LUZP2: variants seen among roughly 807,000 people sequenced by gnomAD.
The protein encoded by LUZP2 is leucine zipper protein 2.
A neutral mutation model predicts 51.6 loss-of-function variants in LUZP2; 52 were observed. That is an observed-to-expected ratio of 1.01 (90% CI 0.81 to 1.27). LUZP2 has a LOEUF of 1.27. Ranked by LOEUF, LUZP2 falls within the 50% of genes most tolerant of loss-of-function variation. The pLI is 0.00. For missense variants in LUZP2, 436 were observed against 395.4 expected (o/e 1.10, Z -0.87); for synonymous variants, 154 against 137.3 (o/e 1.12, Z -0.85).
At chr11:25,016,649 C>T (rs1266854659) in intron 9 of LUZP2, among the ~76,000 whole-genome samples, 1 of 150,716 alleles carries the variant, frequency 6.6e-6, no homozygotes, top group Non-Finnish European at 1.5e-5. Flanking sequence ...CTGTGTGTAC[C>T]ACATTTTCTT....
intron 1 of LUZP2, among the ~76,000 whole-genome samples, chr11:24,608,701 G>A (rs971641437): frequency 6.6e-6 from 1 of 152,018 alleles, no homozygotes; most frequent in African/African-American, 2.4e-5. Context: ...TTGATTTTTT[G>A]TATACTTTTG....
At chr11:24,928,850 CT>C (rs1393016044) in intron 7 of LUZP2, among the ~76,000 whole-genome samples, 1 of 152,024 alleles carries the variant, frequency 6.6e-6, no homozygotes, top group African/African-American at 2.4e-5. Context: ...GTGAATCTGT[CT>C]GATCCTGGAT....
chr11:25,062,739 G>T, intron 10 of LUZP2, among the ~76,000 whole-genome samples: 1 of 150,712 alleles, frequency 6.6e-6, no homozygotes, highest in East Asian at 1.9e-4. Context: ...ATTTTTGTCA[G>T]TTTTATATAC....
intron 1 of LUZP2, among the ~76,000 whole-genome samples, chr11:24,595,014 C>A (rs1025429478): frequency 3.3e-5 from 5 of 151,962 alleles, no homozygotes; most frequent in African/African-American, 1.2e-4. Context: ...CCCATCTCGG[C>A]CTCCCAAAAT....
At chr11:25,073,101 G>A (rs1355141113) in intron 10 of LUZP2, among the ~76,000 whole-genome samples, 1 of 152,080 alleles carries the variant, frequency 6.6e-6, no homozygotes, top group Non-Finnish European at 1.5e-5. Flanking sequence ...TCAAAAGCAA[G>A]GATACAGAGG....
At chr11:24,637,409 A>T (rs1478634596) in intron 1 of LUZP2, among the ~76,000 whole-genome samples, 2 of 151,868 alleles carry the variant, frequency 1.3e-5, no homozygotes, top group Non-Finnish European at 2.9e-5. Context: ...AACAATATGA[A>T]ATCAGTGCAC....
intron 1 of LUZP2, among the ~76,000 whole-genome samples, chr11:24,579,575 A>T (rs2133818565): frequency 6.6e-6 from 1 of 152,182 alleles, no homozygotes; most frequent in African/African-American, 2.4e-5. Context: ...TCTATAAACC[A>T]ATTTACTTGA....
intron 1 of LUZP2, among the ~76,000 whole-genome samples, chr11:24,544,745 A>G (rs917735299): frequency 6.6e-6 from 1 of 152,060 alleles, no homozygotes; most frequent in Admixed American, 6.6e-5. Flanking sequence ...AATAAGCACT[A>G]TTTGCCTGCA....
intron 5 of LUZP2, among the ~76,000 whole-genome samples, chr11:24,870,926 A>G (rs564253073): frequency 6.6e-6 from 1 of 152,138 alleles, no homozygotes; most frequent in South Asian, 2.1e-4. Context: ...GAATTTCTAT[A>G]TATTCAGTTA....
chr11:24,664,459 G>A (rs762244882), intron 1 of LUZP2, among the ~76,000 whole-genome samples: 2 of 152,088 alleles, frequency 1.3e-5, no homozygotes, highest in Non-Finnish European at 2.9e-5. Context: ...GAAATTTGAG[G>A]AGCCAAGTGT....
At chr11:24,876,495 C>G (rs1227083586) in intron 5 of LUZP2, among the ~76,000 whole-genome samples, 3 of 147,770 alleles carry the variant, frequency 2.0e-5, no homozygotes, top group African/African-American at 7.5e-5. Flanking sequence ...GTTTTGGTTA[C>G]TGTAGCCTTG....
chr11:24,567,405 G>A (rs1400160526), intron 1 of LUZP2, among the ~76,000 whole-genome samples: 1 of 151,926 alleles, frequency 6.6e-6, no homozygotes, highest in African/African-American at 2.4e-5. Context: ...TAAAATAAAT[G>A]AACAGATTTT....
chr11:24,841,939 A>G (rs1409589998), intron 5 of LUZP2, among the ~76,000 whole-genome samples: 1 of 152,126 alleles, frequency 6.6e-6, no homozygotes, highest in African/African-American at 2.4e-5. Context: ...TTTGTAGCAT[A>G]TAAATATTAG....
chr11:24,531,107 C>T (rs1850980729), intron 1 of LUZP2, among the ~76,000 whole-genome samples: 1 of 144,026 alleles, frequency 6.9e-6, no homozygotes, highest in Non-Finnish European at 1.5e-5. Context: ...AAAAAAGCAA[C>T]TTCATAATGC....
At chr11:24,959,592 C>T (rs926162485) in intron 7 of LUZP2, among the ~76,000 whole-genome samples, 17 of 152,064 alleles carry the variant, frequency 1.1e-4, no homozygotes, top group South Asian at 2.1e-4. Context: ...GATTTTTGTA[C>T]ATTGATTTTG....
chr11:24,662,319 TA>T (rs768920836), intron 1 of LUZP2, among the ~76,000 whole-genome samples: 8 of 152,112 alleles, frequency 5.3e-5, no homozygotes, highest in Admixed American at 4.6e-4. Context: ...GAAAATTTCT[TA>T]AATAATTCTT....
At chr11:25,002,286 C>T (rs12799478) in intron 9 of LUZP2, among the ~76,000 whole-genome samples, 59,147 of 151,972 alleles carry the variant, frequency 0.39, 13,801 homozygotes, top group East Asian at 0.69. Context: ...GAACTTCCAT[C>T]GTTATATAGG....
At chr11:24,861,332 A>C (rs1263888106) in intron 5 of LUZP2, among the ~76,000 whole-genome samples, 3 of 152,212 alleles carry the variant, frequency 2.0e-5, no homozygotes, top group Admixed American at 2.0e-4. Context: ...AATTGATCAG[A>C]GTACCAGAAA....
At chr11:24,737,323 G>C (rs948770107) in intron 3 of LUZP2, among the ~76,000 whole-genome samples, 2 of 151,944 alleles carry the variant, frequency 1.3e-5, no homozygotes, top group African/African-American at 2.4e-5. Context: ...TAATCTTTTG[G>C]CACTAGATTG....
Sources: gnomAD v4.1 joint callset for allele counts (sites outside exome capture counted in the v4.1 genomes callset) on GRCh38, gnomAD v4.1.1 for gene constraint, MANE v1.5 for transcripts, NCBI Gene and HGNC (gene_info 2026-07-23, HGNC 2026-07-21) for gene names.